Variants in NAV3 observed in about 807,000 individuals in gnomAD.
The protein encoded by NAV3 is neuron navigator 3, also known as pore membrane and/or filament interacting like protein 1.
NAV3 carries 87 observed loss-of-function variants against 244.7 expected under a neutral mutation model. That is an observed-to-expected ratio of 0.36 (90% CI 0.30 to 0.42). The LOEUF (loss-of-function observed/expected upper bound fraction) is 0.42, where lower values mean the gene tolerates loss of function less well. NAV3 is among the 20% of genes least tolerant of loss of function. NAV3 has a pLI of 1.00. For synonymous variants in NAV3, 1,126 were observed against 1,042.2 expected, an observed-to-expected ratio of 1.08 and a Z score of -1.55; for missense variants, 2,663 against 2,893.3, an observed-to-expected ratio of 0.92 and a Z score of 1.83.
intron 1 of NAV3, among the ~76,000 whole-genome samples, chr12:77,874,396 A>T (rs1002974076): frequency 3.3e-5 from 5 of 151,422 alleles, no homozygotes; most frequent in African/African-American, 1.2e-4. Context: ...TTTTTTTTAA[A>T]TTTTTTATAG....
chr12:77,810,496 A>G (rs1565822772), intron 2 of NAV3, among the ~76,000 whole-genome samples: 1 of 152,168 alleles, frequency 6.6e-6, no homozygotes, highest in Non-Finnish European at 1.5e-5. Context: ...TATATCAATA[A>G]TCTGATCTTT....
At position 77,749,424 on chromosome 12, in the gene NAV3, A is replaced by T. The variant is rs1868727312; in HGVS notation, c.72+177158A>T. On this transcript the variant is annotated intron_variant, in intron 2 of 8. Coordinates refer to the NAV3 transcript ENST00000550042. Reference sequence around the variant, plus strand: ...ATAAAAGATGTTACAGATGAGAAAAAGATGAAAATGAGTATTAATATGATG... The same window carrying T: ...ATAAAAGATGTTACAGATGAGAAAATGATGAAAATGAGTATTAATATGATG... 2.6e-5 allele frequency among the ~76,000 whole-genome samples: 4 copies of T among 152,342 alleles called. No homozygotes were observed. In the South Asian group the frequency reaches 8.3e-4, roughly 32 times the overall value.
At chr12:77,873,744 G>GTGTATGTATATA (rs776225440) in intron 1 of NAV3, among the ~76,000 whole-genome samples, 1 of 73,182 alleles carries the variant, frequency 1.4e-5, no homozygotes, top group African/African-American at 4.5e-5. Flanking sequence ...ATGTGTGTGT[G>GTGTATGTATATA]TATATATATA....
intron 3 of NAV3, among the ~76,000 whole-genome samples, chr12:77,943,655 G>A (rs554608422): frequency 4.9e-4 from 74 of 152,290 alleles, no homozygotes; most frequent in African/African-American, 1.7e-3. Flanking sequence ...ACTCCAAACA[G>A]GATGTTGCCT....
rs533566897 is a variant in NAV3 at position 77,807,771 on chromosome 12, T to C, written c.73-132548T>C. Among the ~76,000 whole-genome samples the C allele has an allele frequency of 3.3e-5, 5 of 152,344 alleles. No individual in the cohort carries two copies. The East Asian group carries it at 9.6e-4, about 29-fold the overall frequency. On this transcript the variant is annotated intron_variant, in intron 2 of 8. Transcript: ENST00000550042. ...CTCCTGGATAATATCCTGAAGAGTT[T>C]CCAAATTGGTTCCATTTTCCCCGTC...
intron 7 of NAV3, among the ~76,000 whole-genome samples, chr12:78,000,705 G>A (rs1333937091): frequency 2.0e-5 from 3 of 146,708 alleles, no homozygotes; most frequent in Non-Finnish European, 3.0e-5. Flanking sequence ...GGGTTTCACC[G>A]TGTTAGCCAG....
chr12:78,011,883 A>C (rs779192168), intron 8 of NAV3, among the ~76,000 whole-genome samples: 5 of 152,268 alleles, frequency 3.3e-5, no homozygotes, highest in Middle Eastern at 3.4e-3. Flanking sequence ...CACGTCTTAC[A>C]TGGCAGCAGG....
At chr12:78,011,989 TG>T (rs1249554675) in intron 8 of NAV3, among the ~76,000 whole-genome samples, 1 of 152,070 alleles carries the variant, frequency 6.6e-6, no homozygotes, top group Non-Finnish European at 1.5e-5. Context: ...TGGGGGAAAC[TG>T]CTCCCTTGGT....
intron 2 of NAV3, among the ~76,000 whole-genome samples, chr12:77,766,776 C>T (rs534031974): frequency 8.7e-5 from 3 of 34,540 alleles, no homozygotes; most frequent in Non-Finnish European, 1.2e-4. Flanking sequence ...TTTTTTGAGA[C>T]GGAGTCTCGC....
intron 2 of NAV3, among the ~76,000 whole-genome samples, chr12:77,786,618 G>A (rs909161945): frequency 6.6e-6 from 1 of 152,158 alleles, no homozygotes; most frequent in African/African-American, 2.4e-5. Context: ...TCAGATGGAG[G>A]TAGATAGGAG....
At chr12:78,069,854 C>G (rs1257146149) in intron 12 of NAV3, among the ~76,000 whole-genome samples, 2 of 151,718 alleles carry the variant, frequency 1.3e-5, no homozygotes, top group Non-Finnish European at 2.9e-5. Flanking sequence ...TTTTTCTATA[C>G]TTGTTTGATG....
At chr12:77,616,891 G>C (rs1871163155) in intron 2 of NAV3, among the ~76,000 whole-genome samples, 1 of 152,120 alleles carries the variant, frequency 6.6e-6, no homozygotes, top group Non-Finnish European at 1.5e-5. Flanking sequence ...ATAATCCTAA[G>C]AGACTGCTAA....
intron 12 of NAV3, among the ~76,000 whole-genome samples, chr12:78,084,653 C>T (rs1953533703): frequency 6.6e-6 from 1 of 152,070 alleles, no homozygotes; most frequent in South Asian, 2.1e-4. Context: ...TTTAAAGTTA[C>T]CTTGCTATCA....
intron 1 of NAV3, among the ~76,000 whole-genome samples, chr12:77,854,373 C>T (rs1014629771): frequency 6.6e-6 from 1 of 152,096 alleles, no homozygotes; most frequent in Admixed American, 6.6e-5. Flanking sequence ...GCATAAATCC[C>T]CTAAATCGTA....
At chr12:77,799,099 G>A (rs772411360) in intron 2 of NAV3, among the ~76,000 whole-genome samples, 2 of 152,166 alleles carry the variant, frequency 1.3e-5, no homozygotes, top group Non-Finnish European at 2.9e-5. Context: ...AGCCTATCTT[G>A]AACCTGAGCC....
At chr12:77,688,294 A>AT (rs1291746883) in intron 2 of NAV3, among the ~76,000 whole-genome samples, 2 of 152,070 alleles carry the variant, frequency 1.3e-5, no homozygotes, top group African/African-American at 2.4e-5. Context: ...CAGACACTTC[A>AT]AAAAGACTAC....
intron 2 of NAV3, among the ~76,000 whole-genome samples, chr12:77,763,095 T>C (rs555301106): frequency 6.6e-6 from 1 of 152,304 alleles, no homozygotes; most frequent in African/African-American, 2.4e-5. Context: ...TCTGCCTTCA[T>C]GGAATGGGAT....
intron 12 of NAV3, among the ~76,000 whole-genome samples, chr12:78,111,357 A>G (rs1955083644): frequency 6.6e-6 from 1 of 152,104 alleles, no homozygotes; most frequent in Non-Finnish European, 1.5e-5. Flanking sequence ...TGTTAATGCC[A>G]TATAGAATGA....
intron 1 of NAV3, among the ~76,000 whole-genome samples, chr12:77,878,104 A>T (rs1307366247): frequency 6.6e-6 from 1 of 152,178 alleles, no homozygotes; most frequent in Non-Finnish European, 1.5e-5. Flanking sequence ...AAAAGAGCCT[A>T]AGGGGATATG....
Sources: gnomAD v4.1 joint callset for allele counts (sites outside exome capture counted in the v4.1 genomes callset) on GRCh38, gnomAD v4.1.1 for gene constraint, MANE v1.5 for transcripts, NCBI Gene and HGNC (gene_info 2026-07-23, HGNC 2026-07-21) for gene names.